Variants in LRMDA observed in about 807,000 individuals in gnomAD.
LRMDA encodes the protein leucine rich melanocyte differentiation associated, also known as leucine-rich melanocyte differentiation-associated protein.
Under a neutral mutation model 29.8 loss-of-function variants are expected in LRMDA, and 18 were observed. The observed-to-expected ratio is 0.60, with a 90% CI of 0.42 to 0.90. The LOEUF (loss-of-function observed/expected upper bound fraction) is 0.90, where lower values mean the gene tolerates loss of function less well. LRMDA is among the 40% of genes least tolerant of loss of function. LRMDA has a pLI of 0.00. For missense variants in LRMDA, 273 were observed against 273.9 expected (o/e 1.00, Z 0.02); for synonymous variants, 125 against 109.4 (o/e 1.14, Z -0.89).
chr10:75,886,881 A>G (rs924934514), intron 2 of LRMDA, among the ~76,000 whole-genome samples: 2 of 152,164 alleles, frequency 1.3e-5, no homozygotes, highest in Non-Finnish European at 2.9e-5. Flanking sequence ...AATTGGGACT[A>G]AATCGTCAGG....
intron 2 of LRMDA, among the ~76,000 whole-genome samples, chr10:75,764,360 G>T (rs1417108855): frequency 6.6e-6 from 1 of 152,190 alleles, no homozygotes; most frequent in Non-Finnish European, 1.5e-5. Flanking sequence ...TTGAGCTGGG[G>T]TTTTTCATTT....
chr10:76,383,500 G>T (rs1231922280), intron 6 of LRMDA, among the ~76,000 whole-genome samples: 1 of 137,436 alleles, frequency 7.3e-6, no homozygotes, highest in Non-Finnish European at 1.5e-5. Context: ...GCGCAATCTC[G>T]GCTCACTGCA....
At chr10:76,281,927 A>G (rs1283428073) in intron 5 of LRMDA, among the ~76,000 whole-genome samples, 2 of 152,224 alleles carry the variant, frequency 1.3e-5, no homozygotes, top group Non-Finnish European at 2.9e-5. Context: ...GATTTTTCCA[A>G]GAACCATCCA....
At chr10:76,136,589 C>T (rs1850098522) in intron 5 of LRMDA, among the ~76,000 whole-genome samples, 1 of 129,216 alleles carries the variant, frequency 7.7e-6, no homozygotes, top group African/African-American at 2.7e-5. Context: ...AACATATTTA[C>T]ATACAAGTGA....
At chr10:76,100,318 G>A (rs561360972) in intron 5 of LRMDA, among the ~76,000 whole-genome samples, 1 of 151,996 alleles carries the variant, frequency 6.6e-6, no homozygotes, top group Non-Finnish European at 1.5e-5. Flanking sequence ...TGGGCAAAAA[G>A]GAAAAAAGAA....
At chr10:76,040,570 T>C (rs201329848) in intron 3 of LRMDA, among the ~76,000 whole-genome samples, 2 of 145,720 alleles carry the variant, frequency 1.4e-5, no homozygotes, top group Non-Finnish European at 3.0e-5. Flanking sequence ...CTCACACTCT[T>C]TCTCTCTCTC....
At chr10:76,036,954 C>G (rs1176721721) in intron 3 of LRMDA, among the ~76,000 whole-genome samples, 1 of 152,152 alleles carries the variant, frequency 6.6e-6, no homozygotes, top group Non-Finnish European at 1.5e-5. Flanking sequence ...AGAATAGTGC[C>G]TGGCACCAAG....
chr10:76,553,177 G>A (rs1034302141), intron 6 of LRMDA, among the ~76,000 whole-genome samples: 3 of 152,130 alleles, frequency 2.0e-5, no homozygotes, highest in African/African-American at 7.2e-5. Flanking sequence ...AGGGTCTTTC[G>A]AAAAGAAACC....
chr10:76,139,376 T>A (rs1403888938), intron 5 of LRMDA, among the ~76,000 whole-genome samples: 1 of 152,186 alleles, frequency 6.6e-6, no homozygotes, highest in Non-Finnish European at 1.5e-5. Flanking sequence ...CAATTTAACC[T>A]GTTTAGTAAT....
intron 5 of LRMDA, among the ~76,000 whole-genome samples, chr10:76,207,322 C>T (rs973046257): frequency 6.6e-6 from 1 of 152,106 alleles, no homozygotes; most frequent in African/African-American, 2.4e-5. Flanking sequence ...CTCTGACTAG[C>T]CTTTAAGACA....
chr10:76,244,658 A>T (rs1852341511), intron 5 of LRMDA, among the ~76,000 whole-genome samples: 1 of 152,138 alleles, frequency 6.6e-6, no homozygotes, highest in Admixed American at 6.6e-5. Context: ...TGGAGAAGAG[A>T]CAACACATGG....
chr10:75,584,678 G>A (rs890066849), intron 2 of LRMDA, among the ~76,000 whole-genome samples: 11 of 152,156 alleles, frequency 7.2e-5, no homozygotes, highest in African/African-American at 2.4e-4. Flanking sequence ...AAAGATATAT[G>A]AGACAGAAAA....
intron 2 of LRMDA, among the ~76,000 whole-genome samples, chr10:75,858,800 A>G (rs997993165): frequency 1.4e-4 from 22 of 152,204 alleles, no homozygotes; most frequent in African/African-American, 5.1e-4. Context: ...TATTCTCCAT[A>G]CTAACTGCTG....
chr10:76,043,144 T>C (rs1848368986), intron 3 of LRMDA, among the ~76,000 whole-genome samples: 1 of 152,166 alleles, frequency 6.6e-6, no homozygotes, highest in South Asian at 2.1e-4. Flanking sequence ...TTCAGGACAT[T>C]TTAAGTTGTG....
chr10:75,494,626 G>A (rs1461339149), intron 2 of LRMDA, among the ~76,000 whole-genome samples: 1 of 147,180 alleles, frequency 6.8e-6, no homozygotes, highest in Non-Finnish European at 1.5e-5. Context: ...TCAGCCTCTG[G>A]AGTAGATGGG....
chr10:76,113,681 A>C (rs1440956338), intron 5 of LRMDA, among the ~76,000 whole-genome samples: 3 of 152,148 alleles, frequency 2.0e-5, no homozygotes, highest in African/African-American at 7.2e-5. Context: ...CACACAAGGC[A>C]GTGGGAAGGG....
chr10:75,514,889 G>A (rs1421699082), intron 2 of LRMDA, among the ~76,000 whole-genome samples: 1 of 152,064 alleles, frequency 6.6e-6, no homozygotes, highest in Non-Finnish European at 1.5e-5. Context: ...GACAGGGTCA[G>A]AGGCTGTGCC....
chr10:76,351,145 T>C (rs1366086074), intron 6 of LRMDA, among the ~76,000 whole-genome samples: 1 of 151,770 alleles, frequency 6.6e-6, no homozygotes, highest in Non-Finnish European at 1.5e-5. Flanking sequence ...ATGCAAAGAA[T>C]GTGATATGTC....
intron 6 of LRMDA, among the ~76,000 whole-genome samples, chr10:76,380,463 A>C (rs1007753000): frequency 3.3e-5 from 5 of 151,998 alleles, no homozygotes; most frequent in Non-Finnish European, 5.9e-5. Flanking sequence ...AGGTCAGGAG[A>C]TCGAGACCAT....
Sources: gnomAD v4.1 joint callset for allele counts (sites outside exome capture counted in the v4.1 genomes callset) on GRCh38, gnomAD v4.1.1 for gene constraint, MANE v1.5 for transcripts, NCBI Gene and HGNC (gene_info 2026-07-23, HGNC 2026-07-21) for gene names.